Variants in HSPBP1 observed in about 807,000 individuals in gnomAD.
HSPBP1 encodes hsp70-binding protein 1.
Under a neutral mutation model 41.7 loss-of-function variants are expected in HSPBP1, and 31 were observed. The observed-to-expected ratio is 0.74, with a 90% confidence interval of 0.56 to 1.00. HSPBP1 has a LOEUF of 1.00. Ranked by LOEUF, HSPBP1 falls within the 50% of genes least tolerant of loss-of-function variation. The probability of loss-of-function intolerance (pLI) is 0.00; values close to 1 mark genes in which losing one functional copy is unlikely to be tolerated. For synonymous variants in HSPBP1, 199 were observed against 214.4 expected, an observed-to-expected ratio of 0.93 and a Z score of 0.63; for missense variants, 439 against 487.9, an observed-to-expected ratio of 0.90 and a Z score of 0.94.
At chr19:55,267,591 G>A (rs550794391) in intron 4 of HSPBP1, among the ~76,000 whole-genome samples, 1 of 152,092 alleles carries the variant, frequency 6.6e-6, no homozygotes, top group Non-Finnish European at 1.5e-5. Context: ...CTCCCGAGTA[G>A]CTGGGATTAC....
chr19:55,272,562 C>T lies in HSPBP1; in HGVS notation c.640+1836G>A, dbSNP rs570802725. On this transcript the variant is annotated intron_variant, in intron 4 of 7. Coordinates refer to ENST00000433386, the MANE Select transcript of HSPBP1 (RefSeq NM_012267.5). This position sits in a 1 kb window ranked among gnomAD's most constrained non-coding sequence, Gnocchi z 4.2. ...GATGAAGATGTTCTGAAATTTTGGC[C>T]GGGCGCAGTGGCTCACGCCTGTAAT... is the stretch of plus-strand genomic sequence containing the variant. Among the ~76,000 whole-genome samples, 6 of 152,062 alleles carry T rather than the reference C, an allele frequency of 3.9e-5. No individual in the cohort carries two copies. The highest frequency in any genetic ancestry group is 8.8e-5 in the Non-Finnish European group (6 of 68,024).
intron 3 of HSPBP1, 22 bp downstream of exon 3, chr19:55,277,620 C>T: frequency 1.3e-6 from 2 of 1,595,258 alleles, no homozygotes; most frequent in Non-Finnish European, 1.7e-6. Flanking sequence ...GGCAGAACGT[C>T]CTGGCGGGGG....
At chr19:55,274,345 G>GGCCCCCCCCC in intron 4 of HSPBP1, 53 bp downstream of exon 4, 1 of 552,670 alleles carries the variant, frequency 1.8e-6, no homozygotes. Context: ...GGCCCACCCG[G>GGCCCCCCCCC]CACCCCCCCC....
chr19:55,266,608 CCAT>C (rs1260718708), intron 4 of HSPBP1, among the ~76,000 whole-genome samples: 5 of 108,264 alleles, frequency 4.6e-5, no homozygotes, highest in African/African-American at 6.9e-5. Context: ...ACCATCACCG[CCAT>C]CATCATCACT....
chr19:55,272,737 A>T lies in HSPBP1; in HGVS notation c.640+1661T>A, dbSNP rs2122854943. ...GCGCCTGTAATCCCAGCTACTTGAG[A>T]GGCTGAGGCAGAACTGCTTGAACCT... On this transcript the variant is annotated intron_variant, in intron 4 of 7. Coordinates refer to ENST00000433386, the MANE Select transcript of HSPBP1 (RefSeq NM_012267.5). The surrounding 1 kb of genome is among the most constrained non-coding windows in gnomAD (Gnocchi z 4.2). 6.6e-6 allele frequency among the ~76,000 whole-genome samples: 1 copy of T among 152,010 alleles called. No individual in the cohort carries two copies. Among genetic ancestry groups the T allele is most frequent in the South Asian group, 2.1e-4 (1 of 4,810 alleles).
At chr19:55,266,102 C>T (rs945413814) in intron 5 of HSPBP1, 29 bp downstream of exon 5, 1 of 1,595,880 alleles carries the variant, frequency 6.3e-7, no homozygotes, top group Non-Finnish European at 8.5e-7. Context: ...CTGCTCCCCA[C>T]TCCTGCCCTC....
intron 7 of HSPBP1, among the ~76,000 whole-genome samples, chr19:55,264,862 C>G (rs535733007): frequency 2.0e-5 from 3 of 152,240 alleles, no homozygotes; most frequent in Admixed American, 6.5e-5. Context: ...AAGCCTGAAC[C>G]AGCGGACCCA....
rs1320487055 is a variant in HSPBP1, at chr19:55,270,742, CCA to C, written c.640+3654_640+3655del. On this transcript the variant is annotated intron_variant, in intron 4 of 7. Coordinates refer to ENST00000433386, the MANE Select transcript of HSPBP1 (RefSeq NM_012267.5). This position sits in a 1 kb window ranked among gnomAD's most constrained non-coding sequence, Gnocchi z 5.4. ...CACACCCCGTATACACACACCACAT[CCA>C]CACATCCCACACACGCCATGCACAT... Among the ~76,000 whole-genome samples, 1 of 150,810 alleles carries C rather than the reference CCA, an allele frequency of 6.6e-6. No individual in the cohort carries two copies. Among genetic ancestry groups the C allele is most frequent in the Admixed American group, 6.6e-5 (1 of 15,120 alleles).
At chr19:55,279,336 C>T in intron 2 of HSPBP1, 63 bp downstream of exon 2, 1 of 1,454,834 alleles carries the variant, frequency 6.9e-7, no homozygotes, top group South Asian at 1.2e-5. Context: ...AGTCACACTT[C>T]CCAAGGCAAC....
chr19:55,273,448 C>A (rs1600146667), intron 4 of HSPBP1, among the ~76,000 whole-genome samples: 2 of 152,216 alleles, frequency 1.3e-5, no homozygotes, highest in South Asian at 4.1e-4. Flanking sequence ...CTCCACCAGG[C>A]TGGGATCCTG....
intron 4 of HSPBP1, among the ~76,000 whole-genome samples, chr19:55,266,808 AACTC>A (rs1376658226): frequency 1.3e-5 from 2 of 152,150 alleles, no homozygotes; most frequent in African/African-American, 4.8e-5. Context: ...CATCACCACT[AACTC>A]TAGGAAATTT....
rs1039387226 is a variant in HSPBP1 at position 55,279,556 on chromosome 19, G to A, written c.53C>T (p.Ala18Val). The change falls in exon 2 of 8, where the codon GCC becomes GTC. Residue 18 changes from alanine to valine, a missense_variant. By Grantham distance (64) the Ala-to-Val change is moderately conservative. Coordinates refer to ENST00000433386, the MANE Select transcript of HSPBP1 (RefSeq NM_012267.5). ...GSRLPLALPP[A>V]SQGCSSGGGG... ...GCCCCCTGAAGAGCAACCCTGGGAG[G>A]CCGGGGGCAGCGCCAGGGGCAGGCG... 6.2e-7 allele frequency: 1 copy of A among 1,608,292 alleles called. No individual in the cohort carries two copies. The highest frequency in any genetic ancestry group is 2.2e-5 in the East Asian group (1 of 44,684).
At chr19:55,277,518 C>G (rs116815599) in intron 3 of HSPBP1, 124 bp downstream of exon 3, 1 of 988,728 alleles carries the variant, frequency 1.0e-6, no homozygotes, top group African/African-American at 1.6e-5. Context: ...TGGAGGCGAA[C>G]AGGCTGATGG....
At position 55,274,347 on chromosome 19, in the gene HSPBP1, A is replaced by ACCCCCCCCCCCCCCCCCCCCCCC. The variant is rs11427517; in HGVS notation, c.640+50_640+51insGGGGGGGGGGGGGGGGGGGGGGG. On this transcript the variant is annotated intron_variant, in intron 4 of 7. Coordinates refer to ENST00000433386, the MANE Select transcript of HSPBP1 (RefSeq NM_012267.5). ...AGCAGATCCCGGGGGCCCACCCGGC[A>ACCCCCCCCCCCCCCCCCCCCCCC]CCCCCCCCCACCGCCAGCACCCCTG... is the stretch of plus-strand genomic sequence containing the variant. The ACCCCCCCCCCCCCCCCCCCCCCC allele has an allele frequency of 4.3e-5, 14 of 328,038 alleles. 2 individuals carry two copies. The highest frequency in any genetic ancestry group is 1.8e-4 in the Admixed American group (4 of 22,026). The allele number at this position is 328,038 out of a possible 1,614,324, so 20.3% of individuals were successfully genotyped here.
At chr19:55,265,467 C>A (rs1208955607) in intron 6 of HSPBP1, 78 bp from the exon 7 acceptor site, 8 of 1,107,346 alleles carry the variant, frequency 7.2e-6, no homozygotes, top group Non-Finnish European at 1.1e-5. Flanking sequence ...CCGCCCCGTC[C>A]CCTGGCTCAC....
At chr19:55,273,423 A>G (rs2087977138) in intron 4 of HSPBP1, among the ~76,000 whole-genome samples, 1 of 152,210 alleles carries the variant, frequency 6.6e-6, no homozygotes, top group Non-Finnish European at 1.5e-5. Context: ...GCAGGCATCC[A>G]GCACATACGA....
intron 4 of HSPBP1, among the ~76,000 whole-genome samples, chr19:55,269,773 T>C (rs1211160392): frequency 6.6e-6 from 1 of 152,152 alleles, no homozygotes; most frequent in Non-Finnish European, 1.5e-5. Context: ...AATACTACAG[T>C]ATGGATCCAT....
At chr19:55,277,033 T>G (rs902882780) in intron 3 of HSPBP1, among the ~76,000 whole-genome samples, 1 of 152,076 alleles carries the variant, frequency 6.6e-6, no homozygotes, top group Non-Finnish European at 1.5e-5. Context: ...ACACCCTCAA[T>G]TGCTACACCA....
At position 55,262,544 on chromosome 19, in the gene HSPBP1, A is replaced by G. The variant is rs2087671826; in HGVS notation, c.*64T>C. The stretch of plus-strand genomic sequence containing the variant: ...GCGATCCCTTGGGAGAGGGCCTTGT[A>G]GGTGGGGAGGGAGGCAAGAGGCCTG... On this transcript the variant is annotated 3_prime_UTR_variant, in exon 8 of 8. Coordinates refer to ENST00000433386, the MANE Select transcript of HSPBP1 (RefSeq NM_012267.5). 2 of 1,596,136 alleles carry G rather than the reference A, an allele frequency of 1.3e-6. No individual in the cohort carries two copies. The highest frequency in any genetic ancestry group is 1.7e-6 in the Non-Finnish European group (2 of 1,171,124).
Sources: allele counts gnomAD v4.1 joint callset (sites outside exome capture counted in the v4.1 genomes callset), GRCh38; gene constraint gnomAD v4.1.1; non-coding constraint Gnocchi (gnomAD v3.1); transcripts MANE v1.5; gene names NCBI Gene and HGNC (gene_info 2026-07-23, HGNC 2026-07-21).